The following TKT variants were observed in gnomAD, a reference collection of about 807,000 sequenced individuals.
TKT encodes the protein transketolase.
In TKT, 47 loss-of-function variants were observed where a neutral mutation model predicts 63.9. That is an observed-to-expected ratio of 0.74 (90% CI 0.58 to 0.94). The LOEUF (loss-of-function observed/expected upper bound fraction) is 0.94, where lower values mean the gene tolerates loss of function less well. Among genes scored for constraint, TKT ranks in the 40% least tolerant of loss-of-function variants. The pLI is 0.00. For synonymous variants in TKT, 338 were observed against 334.1 expected, an observed-to-expected ratio of 1.01 and a Z score of -0.13; for missense variants, 721 against 846.2, an observed-to-expected ratio of 0.85 and a Z score of 1.84.
intron 6 of TKT, chr3:53,232,607 G>A (rs1273545562): frequency 1.0e-5 from 4 of 398,404 alleles, no homozygotes; most frequent in African/African-American, 8.2e-5. Flanking sequence ...CCACACCTGG[G>A]TGCCAGGGAG....
chr3:53,233,344 AGGTCTGCCTTGGCAGCTGG>A (rs1478970704), intron 5 of TKT, 70 bp from the exon 6 acceptor site: 8 of 1,323,438 alleles, frequency 6.0e-6, no homozygotes, highest in East Asian at 2.7e-5. Context: ...TTCCAGGGAA[AGGTCTGCCTTGGCAGCTGG>A]GGTCTGCCCA....
intron 7 of TKT, among the ~76,000 whole-genome samples, 165 bp downstream of exon 7, chr3:53,231,192 G>A (rs1704739514): frequency 6.6e-6 from 1 of 152,210 alleles, no homozygotes; most frequent in Non-Finnish European, 1.5e-5. Flanking sequence ...CTCCAGAGAT[G>A]TCTGTCATTC....
intron 4 of TKT, 47 bp downstream of exon 4, chr3:53,240,204 C>T (rs372836816): frequency 1.3e-4 from 210 of 1,574,148 alleles, no homozygotes; most frequent in Non-Finnish European, 1.6e-4. Context: ...ACCCAAGGAC[C>T]ACTCCCCAAA....
Position 53,226,811 on chromosome 3 carries a change from G to A in TKT, c.1641C>T (p.Asp547=), listed in dbSNP as rs782114918. ...TCCTGCCCTTGGTGGCACGAGCGCT[G>A]TCGAGAATGAGTTTTCTGTCCAGGG... ...IKPLDRKLIL[D]SARATKGRIL... is the part of the protein sequence containing the mutation. The change falls in exon 13 of 14, where the codon GAC becomes GAT. Residue 547 remains aspartate (D), a synonymous_variant. Coordinates refer to ENST00000462138, the MANE Select transcript of TKT (RefSeq NM_001064.4). The A allele has an allele frequency of 6.2e-7, 1 of 1,614,148 alleles. No homozygotes were observed. The highest frequency in any genetic ancestry group is 8.5e-7 in the Non-Finnish European group (1 of 1,180,008).
chr3:53,231,287 G>A lies in TKT; in HGVS notation c.942+70C>T. 3 of 1,549,728 alleles carry A rather than the reference G, an allele frequency of 1.9e-6. No individual in the cohort carries two copies. The South Asian group carries it at 3.6e-5, about 18-fold the overall frequency. Reference sequence around the variant, plus strand: ...TCCTCCCTTTCCCAGCCCTCCAGAGGGTGTATCTGGGCCACAGACTTGGGA... The same window carrying A: ...TCCTCCCTTTCCCAGCCCTCCAGAGAGTGTATCTGGGCCACAGACTTGGGA... On this transcript the variant is annotated intron_variant, in intron 7 of 13. Coordinates refer to ENST00000462138, the MANE Select transcript of TKT (RefSeq NM_001064.4).
chr3:53,229,998 G>A lies in TKT; in HGVS notation c.1107+459C>T, dbSNP rs115714089. 7.8e-3 allele frequency among the ~76,000 whole-genome samples: 1,183 copies of A among 152,292 alleles called. 10 individuals carry two copies. Among genetic ancestry groups the A allele is most frequent in the Middle Eastern group, 0.014 (4 of 294 alleles). On this transcript the variant is annotated intron_variant, in intron 8 of 13. Coordinates refer to ENST00000462138, the MANE Select transcript of TKT (RefSeq NM_001064.4). ...TTCACAACCTCAGTTCCTGACAAGG[G>A]TCTGCTTCCCCAAATGGGTACATGT...
intron 1 of TKT, among the ~76,000 whole-genome samples, chr3:53,250,230 C>T (rs1705687834): frequency 6.6e-6 from 1 of 152,178 alleles, no homozygotes; most frequent in African/African-American, 2.4e-5. Context: ...CCTGAGGCAG[C>T]CCAAAAACAG....
intron 1 of TKT, chr3:53,243,724 C>A: frequency 2.3e-6 from 1 of 432,714 alleles, no homozygotes; most frequent in Non-Finnish European, 4.6e-6. Context: ...GGAGGCCACC[C>A]TAATCCCACG....
At chr3:53,245,759 T>C (rs1260043516) in intron 1 of TKT, among the ~76,000 whole-genome samples, 2 of 152,156 alleles carry the variant, frequency 1.3e-5, no homozygotes, top group African/African-American at 4.8e-5. Context: ...CACTCCAGCC[T>C]GGGCAACAGA....
chr3:53,226,862 G>A lies in TKT; in HGVS notation c.1590C>T (p.Arg530=), dbSNP rs372243299. The change falls in exon 13 of 14, where the codon CGC becomes CGT. Residue 530 remains arginine (R), a synonymous_variant. Coordinates refer to ENST00000462138, the MANE Select transcript of TKT (RefSeq NM_001064.4). ...GCTTGATGGTGAAGGGGTCCAGCAC[G>A]CGGATGTTGATCTTTTCTGTGAGGG... The part of the protein sequence containing the change: ...ELLKKEKINI[R]VLDPFTIKPL... 6.8e-6 allele frequency: 11 copies of A among 1,610,702 alleles called. No homozygotes were observed. In the African/African-American group the frequency reaches 8.0e-5, roughly 12 times the overall value.
intron 2 of TKT, among the ~76,000 whole-genome samples, chr3:53,241,742 T>C (rs1705289491): frequency 1.3e-5 from 2 of 152,136 alleles, no homozygotes; most frequent in Admixed American, 6.5e-5. Context: ...AGCCGTGGCC[T>C]CGGGAGCGCT....
rs2242301 is a variant in TKT, at chr3:53,233,139, G to A, written c.748+17C>T. 683,995 of 1,606,602 alleles carry A rather than the reference G, an allele frequency of 0.43. 148,770 individuals are homozygous for A. Among genetic ancestry groups the A allele is most frequent in the East Asian group, 0.55 (24,535 of 44,668 alleles). On this transcript the variant is annotated intron_variant, in intron 6 of 13. Transcript: ENST00000462138. ...GGCGAGGGGTGAAGGTGGGGAGGGC[G>A]GCTTGTGCATACTGACCCGTGATCC...
intron 4 of TKT, among the ~76,000 whole-genome samples, chr3:53,239,244 C>T (rs895551414): frequency 5.3e-5 from 8 of 152,248 alleles, no homozygotes; most frequent in South Asian, 2.1e-4. Flanking sequence ...CTTCCCCAGA[C>T]TTGGGTATGC....
intron 10 of TKT, chr3:53,228,755 G>C (rs1227992563): frequency 5.2e-5 from 30 of 572,772 alleles, no homozygotes; most frequent in African/African-American, 4.5e-4. Context: ...GGTGTCAACC[G>C]CTGGACCGGC....
intron 1 of TKT, among the ~76,000 whole-genome samples, chr3:53,246,679 C>A (rs2106719086): frequency 6.6e-6 from 1 of 151,870 alleles, no homozygotes; most frequent in African/African-American, 2.4e-5. Context: ...ACGGATAAAC[C>A]CCATCTCTAC....
chr3:53,231,627 A>G, intron 6 of TKT, 77 bp from the exon 7 acceptor site: 1 of 1,461,856 alleles, frequency 6.8e-7, no homozygotes, highest in Non-Finnish European at 9.3e-7. Flanking sequence ...GCTCCAGGAG[A>G]CTGGCCCTCT....
At chr3:53,248,849 CT>C (rs1705627607) in intron 1 of TKT, among the ~76,000 whole-genome samples, 1 of 152,158 alleles carries the variant, frequency 6.6e-6, no homozygotes, top group Non-Finnish European at 1.5e-5. Context: ...CAGAAGAGAT[CT>C]TTTAGGAGAT....
At chr3:53,244,226 G>A (rs568722540) in intron 1 of TKT, among the ~76,000 whole-genome samples, 3 of 152,292 alleles carry the variant, frequency 2.0e-5, no homozygotes, top group African/African-American at 7.2e-5. Context: ...AAGTAAACAC[G>A]CACAAAAGAA....
chr3:53,249,245 C>A (rs974110551), intron 1 of TKT, among the ~76,000 whole-genome samples: 1 of 149,372 alleles, frequency 6.7e-6, no homozygotes, highest in Non-Finnish European at 1.5e-5. Flanking sequence ...GCTGGGATTA[C>A]AGGTGTGAGC....
Sources: gnomAD v4.1 joint callset for allele counts (sites outside exome capture counted in the v4.1 genomes callset) on GRCh38, gnomAD v4.1.1 for gene constraint, MANE v1.5 for transcripts, NCBI Gene and HGNC (gene_info 2026-07-23, HGNC 2026-07-21) for gene names.